Variants in NUP153 observed in about 807,000 individuals in gnomAD.
NUP153 encodes nuclear pore complex protein Nup153.
NUP153 carries 27 observed loss-of-function variants against 134.6 expected under a neutral mutation model. The observed-to-expected ratio is 0.20, with a 90% confidence interval of 0.15 to 0.28. The LOEUF (loss-of-function observed/expected upper bound fraction) is 0.28. NUP153 is among the 10% of genes least tolerant of loss of function. The probability of loss-of-function intolerance (pLI) is 1.00; values close to 1 mark genes in which losing one functional copy is unlikely to be tolerated. For missense variants in NUP153, 1,821 were observed against 1,731.3 expected, an observed-to-expected ratio of 1.05 and a Z score of -0.92; for synonymous variants, 640 against 623.5, an observed-to-expected ratio of 1.03 and a Z score of -0.40.
intron 17 of NUP153, among the ~76,000 whole-genome samples, chr6:17,629,999 C>CT (rs1229518476): frequency 6.6e-6 from 1 of 152,132 alleles, no homozygotes; most frequent in African/African-American, 2.4e-5. Flanking sequence ...ATCCAGGCAG[C>CT]TATAAACGAA....
At chr6:17,620,693 C>A (rs1374468734) in intron 20 of NUP153, among the ~76,000 whole-genome samples, 6 of 152,074 alleles carry the variant, frequency 3.9e-5, no homozygotes, top group African/African-American at 1.4e-4. Flanking sequence ...TGGCAATTTT[C>A]TTTTTCAGTT....
intron 20 of NUP153, among the ~76,000 whole-genome samples, chr6:17,618,031 C>T (rs758923402): frequency 6.6e-5 from 10 of 152,006 alleles, no homozygotes; most frequent in Non-Finnish European, 1.0e-4. Flanking sequence ...AAATACCGAG[C>T]GCTCCAGCCA....
At chr6:17,630,197 G>A (rs938051241) in intron 17 of NUP153, among the ~76,000 whole-genome samples, 1 of 152,186 alleles carries the variant, frequency 6.6e-6, no homozygotes, top group Non-Finnish European at 1.5e-5. Flanking sequence ...AGTTACATTT[G>A]GAAGTGGGAG....
chr6:17,682,931 A>AAC (rs1206844895), intron 2 of NUP153, among the ~76,000 whole-genome samples: 1 of 151,524 alleles, frequency 6.6e-6, no homozygotes, highest in Non-Finnish European at 1.5e-5. Context: ...AGAAGAAAAA[A>AAC]AAAAAAAAAA....
intron 2 of NUP153, among the ~76,000 whole-genome samples, chr6:17,682,532 C>T (rs1182068431): frequency 4.6e-5 from 7 of 152,208 alleles, no homozygotes; most frequent in Admixed American, 3.3e-4. Context: ...AATTTCGCTG[C>T]TGCTTTATCA....
intron 9 of NUP153, 91 bp from the exon 10 acceptor site, chr6:17,662,161 A>T: frequency 8.5e-7 from 1 of 1,179,050 alleles, no homozygotes; most frequent in Non-Finnish European, 1.2e-6. Flanking sequence ...AATATTTAGA[A>T]TCAGGAATTT....
intron 2 of NUP153, among the ~76,000 whole-genome samples, chr6:17,679,401 A>G (rs1293355218): frequency 6.6e-6 from 1 of 152,238 alleles, no homozygotes; most frequent in Non-Finnish European, 1.5e-5. Flanking sequence ...TCCCACGTAC[A>G]TGGACTACAA....
Position 17,695,197 on chromosome 6 carries a change from T to C in NUP153, c.112-6579A>G, listed in dbSNP as rs187215117. Among the ~76,000 whole-genome samples the C allele has an allele frequency of 2.8e-4, 43 of 152,346 alleles. No individual in the cohort carries two copies. The East Asian group carries it at 8.3e-3, about 29-fold the overall frequency. On this transcript the variant is annotated intron_variant, in intron 1 of 21. Coordinates refer to ENST00000262077, the MANE Select transcript of NUP153 (RefSeq NM_005124.4). ...CATGTGTGACAATCTGTGTAATCTT[T>C]AGTTCTGTAGTTTATATATCTAGTC...
At position 17,676,719 on chromosome 6, in the gene NUP153, G is replaced by A. The variant is rs141893200; in HGVS notation, c.335-949C>T. 3.2e-4 allele frequency among the ~76,000 whole-genome samples: 49 copies of A among 152,262 alleles called. No homozygotes were observed. In the South Asian group the frequency reaches 7.2e-3, roughly 23 times the overall value. On this transcript the variant is annotated intron_variant, in intron 2 of 21. Coordinates refer to ENST00000262077, the MANE Select transcript of NUP153 (RefSeq NM_005124.4). ...AAAAAACTCACAAGGTGAGCCCTAC[G>A]ATTACCCAGCTCTCTGTCTAGGAAC...
At chr6:17,703,509 G>A (rs1770259665) in intron 1 of NUP153, among the ~76,000 whole-genome samples, 1 of 152,074 alleles carries the variant, frequency 6.6e-6, no homozygotes, top group Non-Finnish European at 1.5e-5. Flanking sequence ...TATAAAACAT[G>A]CCATGTCATG....
intron 7 of NUP153, 38 bp downstream of exon 7, chr6:17,669,255 G>A: frequency 1.3e-6 from 2 of 1,562,186 alleles, no homozygotes; most frequent in South Asian, 1.1e-5. Context: ...ATTTTTGTAT[G>A]AACAATATTT....
intron 20 of NUP153, among the ~76,000 whole-genome samples, chr6:17,621,707 G>C (rs1764648893): frequency 6.6e-6 from 1 of 152,206 alleles, no homozygotes; most frequent in African/African-American, 2.4e-5. Flanking sequence ...TGGGGTGGTG[G>C]TAGGAAGGGA....
At chr6:17,705,971 T>C (rs1327713977) in intron 1 of NUP153, among the ~76,000 whole-genome samples, 1 of 151,972 alleles carries the variant, frequency 6.6e-6, no homozygotes, top group Non-Finnish European at 1.5e-5. Context: ...CGCCAAAAAA[T>C]AAAGAAACGC....
chr6:17,655,401 C>A (rs1414652161), intron 11 of NUP153, among the ~76,000 whole-genome samples: 1 of 151,830 alleles, frequency 6.6e-6, no homozygotes, highest in Non-Finnish European at 1.5e-5. Flanking sequence ...CCATGTCACT[C>A]TTCCAAAGGC....
Position 17,675,799 on chromosome 6 carries a change from T to C in NUP153, c.335-29A>G, listed in dbSNP as rs1450525932. 6.2e-7 allele frequency: 1 copy of C among 1,601,518 alleles called. No individual in the cohort carries two copies. Among genetic ancestry groups the C allele is most frequent in the Admixed American group, 1.7e-5 (1 of 59,990 alleles). On this transcript the variant is annotated intron_variant, in intron 2 of 21. Transcript: ENST00000262077. The surrounding 1 kb of genome is among the most constrained non-coding windows in gnomAD (Gnocchi z 4.4). The stretch of plus-strand genomic sequence containing the variant: ...AAAAGAAAAGCATTAATATTATGAA[T>C]ATACAACTTAGAGCGATACACTACC...
In NUP153 at chr6:17,615,865, T is replaced by C. The variant is rs1239797488; in HGVS notation, c.*232A>G. The stretch of plus-strand genomic sequence containing the variant: ...AATCAGTGAATAATCTGCTGGATCA[T>C]AAAATATTTTTGCTGAAGAATCAGT... On this transcript the variant is annotated 3_prime_UTR_variant, in exon 22 of 22. Transcript: ENST00000262077. The surrounding 1 kb of genome is among the most constrained non-coding windows in gnomAD (Gnocchi z 5.7). 4 of 468,908 alleles carry C rather than the reference T, an allele frequency of 8.5e-6. No individual in the cohort carries two copies. The highest frequency in any genetic ancestry group is 7.6e-5 in the Admixed American group (2 of 26,206). The allele number at this position is 468,908 out of a possible 1,614,324, so 29.0% of individuals were successfully genotyped here.
chr6:17,662,458 A>C (rs1482239331), intron 9 of NUP153, among the ~76,000 whole-genome samples: 1 of 152,204 alleles, frequency 6.6e-6, no homozygotes, highest in Admixed American at 6.5e-5. Context: ...AAAGGAATCA[A>C]GACTTCTTGG....
At chr6:17,698,501 G>A (rs1276302268) in intron 1 of NUP153, among the ~76,000 whole-genome samples, 1 of 152,080 alleles carries the variant, frequency 6.6e-6, no homozygotes, top group Non-Finnish European at 1.5e-5. Context: ...CACTTTGGGA[G>A]GCCGAGGTGG....
intron 1 of NUP153, among the ~76,000 whole-genome samples, chr6:17,690,159 T>C (rs922841688): frequency 1.4e-5 from 2 of 147,766 alleles, no homozygotes; most frequent in African/African-American, 4.9e-5. Context: ...GAGACCATCC[T>C]GGCTAACACA....
Sources: gnomAD v4.1 joint callset for allele counts (sites outside exome capture counted in the v4.1 genomes callset) on GRCh38, gnomAD v4.1.1 for gene constraint, Gnocchi (gnomAD v3.1) non-coding constraint, MANE v1.5 for transcripts, NCBI Gene and HGNC (gene_info 2026-07-23, HGNC 2026-07-21) for gene names.